Variants in SHCBP1L observed in about 807,000 individuals in gnomAD.
The protein encoded by SHCBP1L is SHC binding and spindle associated 1 like, also known as testicular spindle-associated protein SHCBP1L.
A neutral mutation model predicts 62.5 loss-of-function variants in SHCBP1L; 67 were observed. That is an observed-to-expected ratio of 1.07 (90% CI 0.88 to 1.31). The LOEUF (loss-of-function observed/expected upper bound fraction) is 1.31. SHCBP1L is among the 40% of genes most tolerant of loss of function. SHCBP1L has a pLI of 0.00. For synonymous variants in SHCBP1L, 284 were observed against 289.4 expected, an observed-to-expected ratio of 0.98 and a Z score of 0.19; for missense variants, 823 against 809.8, an observed-to-expected ratio of 1.02 and a Z score of -0.20.
intron 6 of SHCBP1L, among the ~76,000 whole-genome samples, chr1:182,928,904 T>C (rs1275249132): frequency 6.6e-6 from 1 of 152,024 alleles, no homozygotes; most frequent in Non-Finnish European, 1.5e-5. Context: ...TAAGTGAAGT[T>C]ATGGGAGAAG....
At chr1:182,907,425 CTG>C (rs1650049178) in intron 6 of SHCBP1L, among the ~76,000 whole-genome samples, 1 of 122,166 alleles carries the variant, frequency 8.2e-6, no homozygotes, top group Non-Finnish European at 1.7e-5. Flanking sequence ...AAGAGCGAAA[CTG>C]TCTCAAAAAA....
chr1:182,912,864 C>G (rs1261782064), intron 6 of SHCBP1L, among the ~76,000 whole-genome samples: 1 of 151,700 alleles, frequency 6.6e-6, no homozygotes, highest in African/African-American at 2.4e-5. Context: ...AGGCCAGGCA[C>G]TGTGGCTCAC....
Position 182,903,038 on chromosome 1 carries a change from C to A in SHCBP1L, c.1710+1G>T, listed in dbSNP as rs375280566. The A allele has an allele frequency of 1.3e-6, 2 of 1,573,510 alleles. No homozygotes were observed. The highest frequency in any genetic ancestry group is 1.4e-5 in the African/African-American group (1 of 73,318). ...TGCTACATCAAGAAATAAGAGAATA[C>A]CTTCATATTAACTCCACCTAAGGTG... On this transcript the variant is annotated splice_donor_variant, in intron 9 of 9. Coordinates refer to ENST00000367547, the MANE Select transcript of SHCBP1L (RefSeq NM_030933.4). LOFTEE classifies it high-confidence loss of function.
intron 9 of SHCBP1L, among the ~76,000 whole-genome samples, chr1:182,900,919 C>T (rs1369294107): frequency 1.3e-5 from 2 of 151,958 alleles, no homozygotes; most frequent in Non-Finnish European, 2.9e-5. Context: ...ATGAAGTTTT[C>T]AATTTACTTT....
intron 5 of SHCBP1L, among the ~76,000 whole-genome samples, chr1:182,931,685 C>T (rs925992564): frequency 3.3e-5 from 5 of 152,110 alleles, no homozygotes; most frequent in East Asian, 1.9e-4. Flanking sequence ...TTGTTCCCCC[C>T]GCACACACAA....
At chr1:182,912,018 T>C (rs111626722) in intron 6 of SHCBP1L, among the ~76,000 whole-genome samples, 6,124 of 152,344 alleles carry the variant, frequency 0.04, 304 homozygotes, top group African/African-American at 0.11. Flanking sequence ...CTTTTTGTTA[T>C]AATGTTGGGT....
rs142832091 is a variant in SHCBP1L at position 182,937,596 on chromosome 1, A to T, written c.1076+1580T>A. Among the ~76,000 whole-genome samples the T allele has an allele frequency of 1.6e-3, 243 of 152,280 alleles. 1 individual carries two copies. The highest frequency in any genetic ancestry group is 1.9e-3 in the South Asian group (9 of 4,814). On this transcript the variant is annotated intron_variant, in intron 5 of 9. Coordinates refer to ENST00000367547, the MANE Select transcript of SHCBP1L (RefSeq NM_030933.4). The stretch of plus-strand genomic sequence containing the variant: ...GAAAATTCTCATCATTATTAATTCA[A>T]GTATTTCTTCTGATCCATTTGCTCT...
chr1:182,919,840 C>T (rs1335027665), intron 6 of SHCBP1L, among the ~76,000 whole-genome samples: 1 of 152,102 alleles, frequency 6.6e-6, no homozygotes, highest in African/African-American at 2.4e-5. Context: ...AGTTGGAGGC[C>T]ATGACTTGCT....
At chr1:182,910,408 G>A (rs1054487860) in intron 6 of SHCBP1L, among the ~76,000 whole-genome samples, 2 of 152,222 alleles carry the variant, frequency 1.3e-5, no homozygotes, top group African/African-American at 4.8e-5. Context: ...TATAGGCTTT[G>A]TTCTCAAAAT....
chr1:182,925,031 GAAGGGAAGGAAGGGAAGA>G (rs1209838940), intron 6 of SHCBP1L, among the ~76,000 whole-genome samples: 49 of 146,470 alleles, frequency 3.3e-4, no homozygotes, highest in Middle Eastern at 7.1e-3. Context: ...GGAAGGGGAG[GAAGGGAAGGAAGGGAAGA>G]AAGGGAAGGA....
intron 5 of SHCBP1L, among the ~76,000 whole-genome samples, chr1:182,931,895 T>C (rs898862451): frequency 6.6e-6 from 1 of 151,124 alleles, no homozygotes; most frequent in African/African-American, 2.4e-5. Flanking sequence ...TTCACTGCCC[T>C]TAGAATTCTC....
At chr1:182,906,361 C>G (rs931866377) in intron 6 of SHCBP1L, among the ~76,000 whole-genome samples, 1 of 152,142 alleles carries the variant, frequency 6.6e-6, no homozygotes. Flanking sequence ...AGATCTCATG[C>G]TCTTCCCTAT....
rs75577710 is a variant in SHCBP1L, at chr1:182,909,078, C to G, written c.1183-3429G>C. ...TACATTGGAAGCAGATAGCACAAGA[C>G]TACCTCTGTAAATAAATAATTTGTA... On this transcript the variant is annotated intron_variant, in intron 6 of 9. Transcript: ENST00000367547. Among the ~76,000 whole-genome samples, 434 of 152,286 alleles carry G rather than the reference C, an allele frequency of 2.8e-3. 2 individuals are homozygous for G. The highest frequency in any genetic ancestry group is 9.9e-3 in the African/African-American group (412 of 41,568).
At chr1:182,918,181 T>TATATATACACATATATATAC (rs1557994215) in intron 6 of SHCBP1L, among the ~76,000 whole-genome samples, 6 of 147,586 alleles carry the variant, frequency 4.1e-5, no homozygotes, top group African/African-American at 1.5e-4. Context: ...CATATATACA[T>TATATATACACATATATATAC]ATATATACAC....
At chr1:182,902,216 A>C (rs1415774830) in intron 9 of SHCBP1L, among the ~76,000 whole-genome samples, 1 of 151,294 alleles carries the variant, frequency 6.6e-6, no homozygotes, top group African/African-American at 2.4e-5. Context: ...CGGTTGGCTA[A>C]TTTTTTTTGT....
intron 9 of SHCBP1L, among the ~76,000 whole-genome samples, chr1:182,902,112 G>A (rs191599831): frequency 8.5e-5 from 12 of 141,340 alleles, no homozygotes; most frequent in Non-Finnish European, 1.5e-4. Context: ...CCAGGCTGGA[G>A]TGCAGTGGTG....
chr1:182,952,637 A>C (rs1310265365), intron 1 of SHCBP1L, 92 bp downstream of exon 1: 11 of 1,419,924 alleles, frequency 7.7e-6, no homozygotes, highest in Non-Finnish European at 1.0e-5. Flanking sequence ...TGCCCTGTGG[A>C]TCCCCATCCG....
At chr1:182,940,304 T>C (rs1292809484) in intron 3 of SHCBP1L, 25 bp downstream of exon 3, 1 of 1,579,232 alleles carries the variant, frequency 6.3e-7, no homozygotes, top group Non-Finnish European at 8.6e-7. Flanking sequence ...ATAAATTTAA[T>C]TTTCAAAAGT....
chr1:182,908,987 A>G (rs1650098230), intron 6 of SHCBP1L, among the ~76,000 whole-genome samples: 2 of 152,238 alleles, frequency 1.3e-5, no homozygotes, highest in African/African-American at 4.8e-5. Flanking sequence ...TTTTCCAGAT[A>G]TATGTAAAAT....
Sources: gnomAD v4.1 joint callset for allele counts (sites outside exome capture counted in the v4.1 genomes callset) on GRCh38, gnomAD v4.1.1 for gene constraint, MANE v1.5 for transcripts, NCBI Gene and HGNC (gene_info 2026-07-23, HGNC 2026-07-21) for gene names.